The following DRG2 variants were observed in gnomAD, a reference collection of about 807,000 sequenced individuals.
DRG2 encodes the protein developmentally regulated GTP binding protein 2, also known as developmentally-regulated GTP-binding protein 2.
DRG2 carries 36 observed loss-of-function variants against 53.4 expected under a neutral mutation model. The ratio of observed to expected loss-of-function variants is 0.67; its 90% CI spans 0.52 to 0.89. DRG2 has a LOEUF of 0.89. Among genes scored for constraint, DRG2 ranks in the 40% least tolerant of loss-of-function variants. The pLI is 0.00. For missense variants in DRG2, 342 were observed against 481.2 expected, an observed-to-expected ratio of 0.71 and a Z score of 2.71; for synonymous variants, 167 against 192.1, an observed-to-expected ratio of 0.87 and a Z score of 1.08.
intron 1 of DRG2, among the ~76,000 whole-genome samples, chr17:18,088,541 G>A (rs1044946137): frequency 2.0e-5 from 3 of 152,220 alleles, no homozygotes; most frequent in African/African-American, 7.2e-5. Flanking sequence ...GAAGGCCTGG[G>A]TTTGAGCCCC....
chr17:18,099,256 G>A lies in DRG2; in HGVS notation c.376+179G>A. On this transcript the variant is annotated intron_variant, in intron 4 of 12. Coordinates refer to ENST00000225729, the MANE Select transcript of DRG2 (RefSeq NM_001388.5). The surrounding 1 kb of genome is among the most constrained non-coding windows in gnomAD (Gnocchi z 4.4). ...ACTAGCCTTGTGATCTTGGGCAAGTGATTGGGTATCTCTAAGCCAAGCCTC... is the reference window on the plus strand; with the variant it reads ...ACTAGCCTTGTGATCTTGGGCAAGTAATTGGGTATCTCTAAGCCAAGCCTC... The A allele has an allele frequency of 1.3e-6, 1 of 746,558 alleles. No individual in the cohort carries two copies. Among genetic ancestry groups the A allele is most frequent in the Non-Finnish European group, 2.2e-6 (1 of 461,744 alleles). 46.2% of individuals were successfully genotyped at this position (746,558 alleles called of 1,614,324 possible). A position where few individuals can be genotyped will look rare whatever the true frequency, so the allele number is the denominator to read the frequency against.
intron 8 of DRG2, 103 bp downstream of exon 8, chr17:18,101,693 C>G: frequency 8.1e-7 from 1 of 1,239,212 alleles, no homozygotes; most frequent in Non-Finnish European, 1.2e-6. Context: ...GAGTCTGAGG[C>G]TCTCCCCTCA....
At chr17:18,089,489 G>C (rs1419597107) in intron 1 of DRG2, among the ~76,000 whole-genome samples, 1 of 152,182 alleles carries the variant, frequency 6.6e-6, no homozygotes, top group Non-Finnish European at 1.5e-5. Context: ...TTAAAGCAGT[G>C]AACACAGCAG....
intron 10 of DRG2, 85 bp from the exon 11 acceptor site, chr17:18,104,538 G>A: frequency 6.3e-7 from 1 of 1,599,772 alleles, no homozygotes. Flanking sequence ...GGGCCTCTGT[G>A]GCCAGCTCTT....
chr17:18,101,446 GA>G (rs756252532), intron 7 of DRG2, 46 bp from the exon 8 acceptor site: 10 of 1,587,492 alleles, frequency 6.3e-6, no homozygotes, highest in Admixed American at 3.4e-5. Flanking sequence ...GCTGATGGGG[GA>G]CAGGGGCAGC....
chr17:18,098,620 A>G lies in DRG2; in HGVS notation c.315+261A>G, dbSNP rs1309359640. On this transcript the variant is annotated intron_variant, in intron 3 of 12. Coordinates refer to ENST00000225729, the MANE Select transcript of DRG2 (RefSeq NM_001388.5). The surrounding 1 kb of genome is among the most constrained non-coding windows in gnomAD (Gnocchi z 4.1). Reference sequence around the variant, plus strand: ...GGCGCCCCCTGTGCTCTCCTCCCCAACACCACCACAGCTCTGGTCACTAAT... The same window carrying G: ...GGCGCCCCCTGTGCTCTCCTCCCCAGCACCACCACAGCTCTGGTCACTAAT... 2 of 475,384 alleles carry G rather than the reference A, an allele frequency of 4.2e-6. No individual in the cohort carries two copies. The highest frequency in any genetic ancestry group is 7.5e-5 in the East Asian group (2 of 26,574). The allele number at this position is 475,384 out of a possible 1,614,324, so 29.4% of individuals were successfully genotyped here.
Position 18,098,265 on chromosome 17 carries a change from C to T in DRG2, c.226-5C>T. ...CCTCAGTGCAATGATCTCCTTTTCT[C>T]CTAGTCCACATTCTTGAGTCTGATG... On this transcript the variant is annotated splice_polypyrimidine_tract_variant and splice_region_variant and intron_variant, in intron 2 of 12. Coordinates refer to ENST00000225729, the MANE Select transcript of DRG2 (RefSeq NM_001388.5). This position sits in a 1 kb window ranked among gnomAD's most constrained non-coding sequence, Gnocchi z 4.1. 6.2e-7 allele frequency: 1 copy of T among 1,613,482 alleles called. No individual in the cohort carries two copies. The highest frequency in any genetic ancestry group is 8.5e-7 in the Non-Finnish European group (1 of 1,179,506).
chr17:18,093,097 C>T (rs2142183154), intron 1 of DRG2, among the ~76,000 whole-genome samples: 1 of 152,310 alleles, frequency 6.6e-6, no homozygotes, highest in East Asian at 1.9e-4. Flanking sequence ...TGTGACAAGT[C>T]ATGGACTTGG....
At chr17:18,101,415 C>A in intron 7 of DRG2, 78 bp from the exon 8 acceptor site, 2 of 1,380,744 alleles carry the variant, frequency 1.4e-6, no homozygotes, top group Non-Finnish European at 2.0e-6. Flanking sequence ...ATATTTCCTG[C>A]TTGGCTTTTT....
chr17:18,093,935 G>A lies in DRG2; in HGVS notation c.187G>A (p.Ala63Thr). 2 of 1,614,218 alleles carry A rather than the reference G, an allele frequency of 1.2e-6. No homozygotes were observed. The highest frequency in any genetic ancestry group is 1.7e-6 in the Non-Finnish European group (2 of 1,180,050). Residue 63 changes from alanine (A) to threonine (T), a missense_variant, in exon 2 of 13, where the codon GCC (alanine) becomes ACC (threonine). Physicochemically the swap from Ala to Thr is moderately conservative, Grantham distance 58. Transcript: ENST00000225729. ...EGFDVMKSGD[A>T]RVALIGFPSV... ...CTTTGATGTCATGAAGTCGGGTGAT[G>A]CCCGTGTGGCGCTGATTGGATTTCC...
In DRG2 at chr17:18,100,252, G is replaced by A. The variant is rs2045506189; in HGVS notation, c.468-111G>A. 2 of 1,105,390 alleles carry A rather than the reference G, an allele frequency of 1.8e-6. No individual in the cohort carries two copies. The highest frequency in any genetic ancestry group is 1.4e-6 in the Non-Finnish European group (1 of 723,776). 68.5% of individuals were successfully genotyped at this position (1,105,390 alleles called of 1,614,324 possible). ...GTTCTCTGGGTTGCTGGGGAAGGGG[G>A]TGGAGGAGAGAGTCAGTCTCTGGGT... is the stretch of plus-strand genomic sequence containing the variant. On this transcript the variant is annotated intron_variant, in intron 5 of 12. Coordinates refer to ENST00000225729, the MANE Select transcript of DRG2 (RefSeq NM_001388.5). This position sits in a 1 kb window ranked among gnomAD's most constrained non-coding sequence, Gnocchi z 4.1.
At position 18,103,734 on chromosome 17, in the gene DRG2, G is replaced by A. The variant is rs928935428; in HGVS notation, c.807-67G>A. The A allele has an allele frequency of 1.1e-4, 161 of 1,477,908 alleles. 1 individual carries two copies. The highest frequency in any genetic ancestry group is 1.4e-4 in the Non-Finnish European group (152 of 1,057,328). 91.5% of individuals were successfully genotyped at this position (1,477,908 alleles called of 1,614,324 possible). ...TGGAGGTTATCCGCTCCAATAGTGA[G>A]AAGTGGAGACCCCAGCCTCTGAATT... On this transcript the variant is annotated intron_variant, in intron 9 of 12. Transcript: ENST00000225729. The surrounding 1 kb of genome is among the most constrained non-coding windows in gnomAD (Gnocchi z 4.4).
rs2045507255 is a variant in DRG2, at chr17:18,100,309, G to A, written c.468-54G>A. 6.3e-7 allele frequency: 1 copy of A among 1,577,648 alleles called. No individual in the cohort carries two copies. Among genetic ancestry groups the A allele is most frequent in the African/African-American group, 1.3e-5 (1 of 74,312 alleles). ...TGACATCCTGCGTAACAGGGAAGCTGTGCATCTGGCTCTGTGGACAGCCTG... is the reference window on the plus strand; with the variant it reads ...TGACATCCTGCGTAACAGGGAAGCTATGCATCTGGCTCTGTGGACAGCCTG... On this transcript the variant is annotated intron_variant, in intron 5 of 12. Coordinates refer to ENST00000225729, the MANE Select transcript of DRG2 (RefSeq NM_001388.5). This position sits in a 1 kb window ranked among gnomAD's most constrained non-coding sequence, Gnocchi z 4.1.
intron 1 of DRG2, among the ~76,000 whole-genome samples, chr17:18,090,406 A>T (rs993864030): frequency 0.56 from 12,728 of 22,746 alleles, 2,975 homozygotes; most frequent in South Asian, 0.77. Flanking sequence ...ATATATATAT[A>T]TTTTTTTTTT....
chr17:18,091,000 T>C (rs1255052326), intron 1 of DRG2, among the ~76,000 whole-genome samples: 1 of 152,218 alleles, frequency 6.6e-6, no homozygotes, highest in African/African-American at 2.4e-5. Context: ...CATTTCTTAC[T>C]GCTATCAATT....
rs1232539718 is a variant in DRG2 at position 18,103,762 on chromosome 17, C to G, written c.807-39C>G. The G allele has an allele frequency of 1.2e-6, 2 of 1,604,024 alleles. No homozygotes were observed. Among genetic ancestry groups the G allele is most frequent in the African/African-American group, 2.7e-5 (2 of 74,738 alleles). On this transcript the variant is annotated intron_variant, in intron 9 of 12. Transcript: ENST00000225729. The surrounding 1 kb of genome is among the most constrained non-coding windows in gnomAD (Gnocchi z 4.4). ...GTGGAGACCCCAGCCTCTGAATTCA[C>G]AGGGGCCCCTGCCTGACTGGCCGCC...
intron 2 of DRG2, among the ~76,000 whole-genome samples, chr17:18,095,045 A>G (rs2045407921): frequency 7.0e-6 from 1 of 143,308 alleles, no homozygotes; most frequent in African/African-American, 2.6e-5. Flanking sequence ...CGTATAATCT[A>G]TATTGGTTTA....
chr17:18,088,034 T>A lies in DRG2; in HGVS notation c.11T>A (p.Leu4Ter). Reference sequence around the variant, plus strand: ...ACCTCTGCTGCTACCATGGGGATCTTAGAGAAGATCTCGGAGATCGAGAAG... The same window carrying A: ...ACCTCTGCTGCTACCATGGGGATCTAAGAGAAGATCTCGGAGATCGAGAAG... MGI[L>*]EKISEIEKEI... is the part of the protein sequence containing the mutation. Residue 4 changes from leucine (L) to a stop codon, truncating the protein, a stop_gained, in exon 1 of 13, where the codon TTA becomes TAA. Coordinates refer to ENST00000225729, the MANE Select transcript of DRG2 (RefSeq NM_001388.5). LOFTEE classifies it high-confidence loss of function. 1 of 1,549,656 alleles carries A rather than the reference T, an allele frequency of 6.5e-7. No individual in the cohort carries two copies. The highest frequency in any genetic ancestry group is 8.7e-7 in the Non-Finnish European group (1 of 1,146,302).
At position 18,098,422 on chromosome 17, in the gene DRG2, G is replaced by A; in HGVS notation, c.315+63G>A. On this transcript the variant is annotated intron_variant, in intron 3 of 12. Coordinates refer to ENST00000225729, the MANE Select transcript of DRG2 (RefSeq NM_001388.5). The surrounding 1 kb of genome is among the most constrained non-coding windows in gnomAD (Gnocchi z 4.1). ...CATGCTTGTGTTTGGACTTGTGCCT[G>A]TGCCCACCCTGTGTGTGAGTCTGGG... 1.4e-6 allele frequency: 2 copies of A among 1,460,504 alleles called. No individual in the cohort carries two copies. The highest frequency in any genetic ancestry group is 1.9e-6 in the Non-Finnish European group (2 of 1,042,432). The allele number at this position is 1,460,504 out of a possible 1,614,324, so 90.5% of individuals were successfully genotyped here. A position where few individuals can be genotyped will look rare whatever the true frequency, so the allele number is the denominator to read the frequency against.
Sources: gnomAD v4.1 joint callset for allele counts (sites outside exome capture counted in the v4.1 genomes callset) on GRCh38, gnomAD v4.1.1 for gene constraint, Gnocchi (gnomAD v3.1) non-coding constraint, MANE v1.5 for transcripts, NCBI Gene and HGNC (gene_info 2026-07-23, HGNC 2026-07-21) for gene names.